Variants in MS4A2 observed in about 807,000 individuals in gnomAD.
MS4A2 encodes high affinity immunoglobulin epsilon receptor subunit beta.
MS4A2 carries 26 observed loss-of-function variants against 27.9 expected under a neutral mutation model. The observed-to-expected ratio is 0.93, with a 90% CI of 0.68 to 1.29. The LOEUF (loss-of-function observed/expected upper bound fraction) is 1.29, where lower values mean the gene tolerates loss of function less well. MS4A2 is among the 50% of genes most tolerant of loss of function. MS4A2 has a pLI of 0.00. For missense variants in MS4A2, 284 were observed against 284.6 expected (o/e 1.00, Z 0.01); for synonymous variants, 110 against 98.8 (o/e 1.11, Z -0.67).
Position 60,089,650 on chromosome 11 carries a change from T to TA in MS4A2, c.57-41dup, listed in dbSNP as rs747844578. ...CTGTCGAGAATGTTGCACAGGGAGT[T>TA]ACAGAATGTTCTCATGACTGAATTG... On this transcript the variant is annotated intron_variant, in intron 1 of 6. Coordinates refer to ENST00000278888, the MANE Select transcript of MS4A2 (RefSeq NM_000139.5). The TA allele has an allele frequency of 5.9e-4, 949 of 1,613,834 alleles. 1 individual carries two copies. The highest frequency in any genetic ancestry group is 3.5e-3 in the Middle Eastern group (21 of 6,060).
In MS4A2 at chr11:60,089,819, G is replaced by A; in HGVS notation, c.184G>A (p.Gly62Arg). The change falls in exon 2 of 7, where the codon GGG becomes AGG. Residue 62 changes from glycine to arginine, a missense_variant and splice_region_variant. Transcript: ENST00000278888. ...TTTGAAAAAAGAGCAGGAGTTCCTG[G>A]GGGTGAGTGAGCCTCCTCCAACTTT... ...TVLKKEQEFL[G>R]VTQILTAMIC... 3.1e-6 allele frequency: 5 copies of A among 1,613,988 alleles called. No individual in the cohort carries two copies. Among genetic ancestry groups the A allele is most frequent in the African/African-American group, 1.3e-5 (1 of 75,036 alleles).
At chr11:60,090,981 A>G (rs555252279) in intron 3 of MS4A2, among the ~76,000 whole-genome samples, 10 of 152,204 alleles carry the variant, frequency 6.6e-5, no homozygotes, top group African/African-American at 1.9e-4. Context: ...GTGAAACCTC[A>G]TCTCTACTAA....
Position 60,089,714 on chromosome 11 carries a change from G to A in MS4A2, c.79G>A (p.Glu27Lys). 3 of 1,614,130 alleles carry A rather than the reference G, an allele frequency of 1.9e-6. No individual in the cohort carries two copies. Among genetic ancestry groups the A allele is most frequent in the Non-Finnish European group, 8.5e-7 (1 of 1,180,002 alleles). ...PSSVPAFEVLEISPQEVSSGR... is the reference protein window; with the variant it reads ...PSSVPAFEVLKISPQEVSSGR... The stretch of plus-strand genomic sequence containing the variant: ...CAGTGTGCCTGCATTTGAAGTCTTG[G>A]AAATATCTCCCCAGGAAGTATCTTC... The change falls in exon 2 of 7, where the codon GAA (glutamate) becomes AAA (lysine). Residue 27 changes from glutamate (E) to lysine (K), a missense_variant. Glu to Lys is a moderately conservative substitution (Grantham distance 56). Coordinates refer to ENST00000278888, the MANE Select transcript of MS4A2 (RefSeq NM_000139.5).
chr11:60,093,401 T>C lies in MS4A2; in HGVS notation c.380T>C (p.Val127Ala). Residue 127 changes from valine (V) to alanine (A), a missense_variant and splice_region_variant, in exon 5 of 7, where the codon GTG becomes GCG. Transcript: ENST00000278888. ...CTGAGTGTTCTTCATTATTATCAGG[T>C]GAGAGGAAGCCTGGGAGCAAACACT... ...ISERRNATYL[V>A]RGSLGANTAS... is the part of the protein sequence containing the mutation. 1.2e-6 allele frequency: 2 copies of C among 1,613,956 alleles called. No individual in the cohort carries two copies. Among genetic ancestry groups the C allele is most frequent in the Non-Finnish European group, 1.7e-6 (2 of 1,179,984 alleles).
intron 4 of MS4A2, 57 bp from the exon 5 acceptor site, chr11:60,093,343 T>A: frequency 5.0e-6 from 8 of 1,610,352 alleles, no homozygotes; most frequent in Non-Finnish European, 6.8e-6. Flanking sequence ...GAAGATAGGT[T>A]TATTGAATGT....
chr11:60,092,884 A>G, intron 4 of MS4A2, 36 bp downstream of exon 4: 1 of 1,592,514 alleles, frequency 6.3e-7, no homozygotes, highest in South Asian at 1.1e-5. Flanking sequence ...CCATCCTTGA[A>G]AAGATAAGAA....
rs776867895 is a variant in MS4A2 at position 60,092,812 on chromosome 11, G to A, written c.342G>A (p.Leu114=). 5.6e-6 allele frequency: 9 copies of A among 1,613,592 alleles called. No homozygotes were observed. The highest frequency in any genetic ancestry group is 1.1e-5 in the South Asian group (1 of 91,048). Residue 114 remains leucine (L), a synonymous_variant, in exon 4 of 7, where the codon TTG becomes TTA. Transcript: ENST00000278888. ...GAIFFSISGM[L]SIISERRNAT... ...AACAGTTTTCTATTTCTGGAATGTT[G>A]TCAATTATATCTGAAAGGAGAAATG...
intron 4 of MS4A2, 38 bp downstream of exon 4, chr11:60,092,886 A>G (rs1387154776): frequency 6.3e-7 from 1 of 1,588,624 alleles, no homozygotes; most frequent in Non-Finnish European, 8.6e-7. Flanking sequence ...ATCCTTGAAA[A>G]GATAAGAAGA....
rs1855858879 is a variant in MS4A2 at position 60,095,741 on chromosome 11, ATTCTCTCC to A, written c.*86_*93del. Reference sequence around the variant, plus strand: ...TTAAGGGGCTACTGGAAAAATTTCTATTCTCTCCACAGCCTGCTGGTTTTACATTAGAT... The same window carrying A: ...TTAAGGGGCTACTGGAAAAATTTCTAACAGCCTGCTGGTTTTACATTAGAT... On this transcript the variant is annotated 3_prime_UTR_variant, in exon 7 of 7. Transcript: ENST00000278888. The A allele has an allele frequency of 1.2e-6, 1 of 844,716 alleles. No individual in the cohort carries two copies. Among genetic ancestry groups the A allele is most frequent in the Non-Finnish European group, 2.1e-6 (1 of 487,392 alleles). 52.3% of individuals were successfully genotyped at this position (844,716 alleles called of 1,614,324 possible). A position where few individuals can be genotyped will look rare whatever the true frequency, so the allele number is the denominator to read the frequency against.
rs573767365 is a variant in MS4A2, at chr11:60,097,105, T to C, written c.*1449T>C. Reference sequence around the variant, plus strand: ...CATTATAAGAGAAATCATTATTAAATGAAGCAAGTTAACACTCTAAGAGAA... The same window carrying C: ...CATTATAAGAGAAATCATTATTAAACGAAGCAAGTTAACACTCTAAGAGAA... On this transcript the variant is annotated 3_prime_UTR_variant, in exon 7 of 7. Coordinates refer to ENST00000278888, the MANE Select transcript of MS4A2 (RefSeq NM_000139.5). 1.1e-4 allele frequency: 16 copies of C among 152,168 alleles called. No individual in the cohort carries two copies. The East Asian group carries it at 3.1e-3, about 29-fold the overall frequency. 9.4% of individuals were successfully genotyped at this position (152,168 alleles called of 1,614,324 possible). A position where few individuals can be genotyped will look rare whatever the true frequency, so the allele number is the denominator to read the frequency against.
intron 3 of MS4A2, among the ~76,000 whole-genome samples, chr11:60,092,581 C>G (rs1855784579): frequency 6.6e-6 from 1 of 152,152 alleles, no homozygotes. Flanking sequence ...CAGACATGAG[C>G]CACCACACCC....
intron 3 of MS4A2, among the ~76,000 whole-genome samples, chr11:60,092,224 T>C (rs937479586): frequency 6.6e-6 from 1 of 152,136 alleles, no homozygotes; most frequent in African/African-American, 2.4e-5. Flanking sequence ...AAATGAAGAA[T>C]TTCATGCTCC....
intron 3 of MS4A2, 102 bp from the exon 4 acceptor site, chr11:60,092,690 T>C: frequency 5.0e-6 from 5 of 999,272 alleles, no homozygotes; most frequent in Non-Finnish European, 7.8e-6. Context: ...AGTAACTTTA[T>C]CGAGTACCCC....
At chr11:60,093,697 G>A (rs892661787) in intron 5 of MS4A2, 139 bp downstream of exon 5, 2 of 1,261,000 alleles carry the variant, frequency 1.6e-6, no homozygotes, top group African/African-American at 1.5e-5. Context: ...AGTTCACACA[G>A]CCCAGGGAGA....
intron 1 of MS4A2, 30 bp from the exon 2 acceptor site, chr11:60,089,662 T>G (rs755136765): frequency 6.2e-7 from 1 of 1,613,944 alleles, no homozygotes; most frequent in Non-Finnish European, 8.5e-7. Flanking sequence ...CAGAATGTTC[T>G]CATGACTGAA....
Position 60,095,824 on chromosome 11 carries a change from A to T in MS4A2, c.*168A>T, listed in dbSNP as rs1391335449. On this transcript the variant is annotated 3_prime_UTR_variant, in exon 7 of 7. Transcript: ENST00000278888. ...GTTTCTGCTGCTTCTGTCCACCTTA[A>T]TATTCTCCTTCTATTTGTAGATATG... The T allele has an allele frequency of 1.6e-5, 10 of 641,320 alleles. No individual in the cohort carries two copies. The highest frequency in any genetic ancestry group is 2.5e-5 in the Non-Finnish European group (9 of 356,974). The allele number at this position is 641,320 out of a possible 1,614,324, so 39.7% of individuals were successfully genotyped here.
At position 60,097,568 on chromosome 11, in the gene MS4A2, GA is replaced by G. The variant is rs1855892264; in HGVS notation, c.*1918del. 6.6e-6 allele frequency: 1 copy of G among 152,122 alleles called. No homozygotes were observed. Among genetic ancestry groups the G allele is most frequent in the South Asian group, 2.1e-4 (1 of 4,828 alleles). 9.4% of individuals were successfully genotyped at this position (152,122 alleles called of 1,614,324 possible). A position where few individuals can be genotyped will look rare whatever the true frequency, so the allele number is the denominator to read the frequency against. ...AAGGTAGTGAAGAAAAGCAAGCTAAGAAAAAATTCTGTTTATAAAAGAAGGA... is the reference window on the plus strand; with the variant it reads ...AAGGTAGTGAAGAAAAGCAAGCTAAGAAAAATTCTGTTTATAAAAGAAGGA... On this transcript the variant is annotated 3_prime_UTR_variant, in exon 7 of 7. Transcript: ENST00000278888.
In MS4A2 at chr11:60,095,883, C is replaced by T; in HGVS notation, c.*227C>T. The T allele has an allele frequency of 1.9e-6, 1 of 537,956 alleles. No individual in the cohort carries two copies. 33.3% of individuals were successfully genotyped at this position (537,956 alleles called of 1,614,324 possible). On this transcript the variant is annotated 3_prime_UTR_variant, in exon 7 of 7. Coordinates refer to ENST00000278888, the MANE Select transcript of MS4A2 (RefSeq NM_000139.5). ...CTATTTTTCTTGTTTTATATTATGA[C>T]CACACACATCTCTGCTGGAAAGTCA...
intron 6 of MS4A2, among the ~76,000 whole-genome samples, chr11:60,095,276 G>T (rs1343469372): frequency 6.6e-6 from 1 of 151,988 alleles, no homozygotes; most frequent in African/African-American, 2.4e-5. Flanking sequence ...AAAAATAAAA[G>T]AAATTTAAAA....
Sources: gnomAD v4.1 joint callset for allele counts (sites outside exome capture counted in the v4.1 genomes callset) on GRCh38, gnomAD v4.1.1 for gene constraint, MANE v1.5 for transcripts, NCBI Gene and HGNC (gene_info 2026-07-23, HGNC 2026-07-21) for gene names.